The following STX8 variants were observed in gnomAD, a reference collection of about 807,000 sequenced individuals.
STX8 encodes syntaxin 8, also known as syntaxin-8.
STX8 carries 23 observed loss-of-function variants against 37.5 expected under a neutral mutation model. The ratio of observed to expected loss-of-function variants is 0.61; its 90% CI spans 0.44 to 0.87. The LOEUF (loss-of-function observed/expected upper bound fraction) is 0.87, where lower values mean the gene tolerates loss of function less well. Among genes scored for constraint, STX8 ranks in the 40% least tolerant of loss-of-function variants. The pLI is 0.00. For missense variants in STX8, 313 were observed against 284.7 expected, an observed-to-expected ratio of 1.10 and a Z score of -0.71; for synonymous variants, 115 against 99.1, an observed-to-expected ratio of 1.16 and a Z score of -0.95.
chr17:9,536,314 G>A (rs536704268), intron 4 of STX8, among the ~76,000 whole-genome samples: 15 of 152,226 alleles, frequency 9.9e-5, no homozygotes, highest in African/African-American at 3.6e-4. Flanking sequence ...ATCGAGTATC[G>A]GGAGATGAAG....
chr17:9,539,334 G>C (rs1347320690), intron 4 of STX8, among the ~76,000 whole-genome samples: 1 of 152,166 alleles, frequency 6.6e-6, no homozygotes, highest in African/African-American at 2.4e-5. Context: ...AGAGCGTTGT[G>C]CAAAGTAAAT....
At chr17:9,264,184 C>G (rs1907145846) in intron 7 of STX8, among the ~76,000 whole-genome samples, 1 of 152,232 alleles carries the variant, frequency 6.6e-6, no homozygotes, top group South Asian at 2.1e-4. Context: ...ACTATACTGA[C>G]TATATTACAA....
intron 7 of STX8, among the ~76,000 whole-genome samples, chr17:9,344,036 C>T (rs1910454367): frequency 6.6e-6 from 1 of 152,054 alleles, no homozygotes; most frequent in African/African-American, 2.4e-5. Flanking sequence ...AAAAAAGTTA[C>T]AAAATATAAC....
chr17:9,519,614 C>A (rs1022892939), intron 4 of STX8, among the ~76,000 whole-genome samples: 3 of 152,104 alleles, frequency 2.0e-5, no homozygotes, highest in African/African-American at 7.2e-5. Context: ...CTCACCCTAT[C>A]ACTTCCCTAT....
chr17:9,525,722 C>T (rs1905540839), intron 4 of STX8, among the ~76,000 whole-genome samples: 1 of 152,152 alleles, frequency 6.6e-6, no homozygotes, highest in East Asian at 1.9e-4. Context: ...TATACACTAT[C>T]ATGTATGGTC....
At chr17:9,304,839 A>G (rs1908913924) in intron 7 of STX8, among the ~76,000 whole-genome samples, 1 of 151,374 alleles carries the variant, frequency 6.6e-6, no homozygotes, top group South Asian at 2.1e-4. Context: ...CTTTAGCTAT[A>G]CCTCTACACA....
chr17:9,356,241 C>G (rs1910877875), intron 7 of STX8, among the ~76,000 whole-genome samples: 1 of 152,196 alleles, frequency 6.6e-6, no homozygotes, highest in South Asian at 2.1e-4. Flanking sequence ...AAAACAATGT[C>G]TGCATTTTGG....
At chr17:9,265,100 G>C (rs1412927296) in intron 7 of STX8, among the ~76,000 whole-genome samples, 6 of 138,318 alleles carry the variant, frequency 4.3e-5, no homozygotes, top group African/African-American at 1.6e-4. Flanking sequence ...GCCTGGGTGA[G>C]AGAACAAGAC....
intron 6 of STX8, among the ~76,000 whole-genome samples, chr17:9,488,377 T>C (rs962148117): frequency 6.6e-5 from 10 of 151,998 alleles, no homozygotes; most frequent in African/African-American, 2.2e-4. Context: ...CCTAAAGATG[T>C]CCAGCTCGTA....
At chr17:9,461,597 G>A (rs117669451) in intron 6 of STX8, among the ~76,000 whole-genome samples, 1,912 of 152,278 alleles carry the variant, frequency 0.013, 22 homozygotes, top group Non-Finnish European at 0.019. Context: ...AGAGAAAGCT[G>A]GTGCTTGTGG....
chr17:9,351,404 G>A (rs543424950), intron 7 of STX8, among the ~76,000 whole-genome samples: 24 of 152,030 alleles, frequency 1.6e-4, no homozygotes, highest in South Asian at 4.2e-4. Flanking sequence ...TGATCTGCCC[G>A]CCTCGGCCTC....
At chr17:9,293,440 G>C (rs1908392437) in intron 7 of STX8, among the ~76,000 whole-genome samples, 1 of 151,706 alleles carries the variant, frequency 6.6e-6, no homozygotes, top group African/African-American at 2.4e-5. Context: ...AGCTTATGAG[G>C]ACCTCACAGA....
intron 7 of STX8, among the ~76,000 whole-genome samples, chr17:9,337,844 A>T (rs2142226516): frequency 6.6e-6 from 1 of 152,250 alleles, no homozygotes; most frequent in African/African-American, 2.4e-5. Context: ...AATAAAGGAA[A>T]GCCAGGGATG....
At chr17:9,395,159 G>A (rs1912355327) in intron 6 of STX8, among the ~76,000 whole-genome samples, 1 of 151,788 alleles carries the variant, frequency 6.6e-6, no homozygotes, top group Non-Finnish European at 1.5e-5. Flanking sequence ...ATAAATGTAA[G>A]TATATATTCA....
chr17:9,453,782 C>A (rs181213940), intron 6 of STX8, among the ~76,000 whole-genome samples: 6 of 152,084 alleles, frequency 3.9e-5, no homozygotes, highest in African/African-American at 1.4e-4. Context: ...TGTGAGCCAC[C>A]GTACCTGGCT....
At chr17:9,254,568 G>C (rs1210481055) in intron 7 of STX8, among the ~76,000 whole-genome samples, 1 of 152,026 alleles carries the variant, frequency 6.6e-6, no homozygotes, top group Non-Finnish European at 1.5e-5. Context: ...GCTAATTTTT[G>C]TATTTTTAGT....
chr17:9,263,359 A>G (rs1481207008), intron 7 of STX8, among the ~76,000 whole-genome samples: 1 of 152,040 alleles, frequency 6.6e-6, no homozygotes, highest in African/African-American at 2.4e-5. Flanking sequence ...ACATGCCTGT[A>G]ATCCCAGCTA....
intron 4 of STX8, among the ~76,000 whole-genome samples, chr17:9,531,368 T>G (rs887799508): frequency 2.6e-5 from 4 of 152,144 alleles, no homozygotes; most frequent in African/African-American, 9.7e-5. Flanking sequence ...TATAAATCAA[T>G]CTTGAGGGAA....
intron 7 of STX8, among the ~76,000 whole-genome samples, chr17:9,349,706 G>A (rs866432295): frequency 4.6e-5 from 7 of 151,558 alleles, no homozygotes; most frequent in Admixed American, 1.3e-4. Flanking sequence ...ACAATATACC[G>A]TAATAAAAGT....
Sources: gnomAD v4.1 joint callset for allele counts (sites outside exome capture counted in the v4.1 genomes callset) on GRCh38, gnomAD v4.1.1 for gene constraint, MANE v1.5 for transcripts, NCBI Gene and HGNC (gene_info 2026-07-23, HGNC 2026-07-21) for gene names.